Variants in GGNBP2 observed in about 807,000 individuals in gnomAD.
GGNBP2 encodes gametogenetin-binding protein 2.
A neutral mutation model predicts 85.9 loss-of-function variants in GGNBP2; 10 were observed. That is an observed-to-expected ratio of 0.12 (90% CI 0.07 to 0.20). The LOEUF (loss-of-function observed/expected upper bound fraction) is 0.20. Among genes scored for constraint, GGNBP2 ranks in the 10% least tolerant of loss-of-function variants. The probability of loss-of-function intolerance (pLI) is 1.00; values close to 1 mark genes in which losing one functional copy is unlikely to be tolerated. For missense variants in GGNBP2, 595 were observed against 857.8 expected, an observed-to-expected ratio of 0.69 and a Z score of 3.83; for synonymous variants, 287 against 285.7, an observed-to-expected ratio of 1.00 and a Z score of -0.05.
chr17:36,546,110 C>G (rs1437161930), intron 2 of GGNBP2: 1 of 440,832 alleles, frequency 2.3e-6, no homozygotes, highest in African/African-American at 2.0e-5. Flanking sequence ...TCAAAGCACA[C>G]ATCTCAGAGA....
At chr17:36,556,751 CTTTTTTTTTTTTT>C (rs10544073) in intron 3 of GGNBP2, among the ~76,000 whole-genome samples, 8,480 of 53,376 alleles carry the variant, frequency 0.16, 555 homozygotes, top group African/African-American at 0.31. Flanking sequence ...CTGTATTGTG[CTTTTTTTTTTTTT>C]TTTTTTTTTT....
intron 2 of GGNBP2, chr17:36,547,373 TCA>T (rs1357062347): frequency 6.6e-6 from 1 of 152,142 alleles, no homozygotes; most frequent in African/African-American, 2.4e-5. Context: ...AAAAAAAAAT[TCA>T]GTGAGTTTGG....
intron 5 of GGNBP2, among the ~76,000 whole-genome samples, chr17:36,566,135 ATGAATTCCT>A (rs1430361447): frequency 6.6e-6 from 1 of 152,214 alleles, no homozygotes; most frequent in Non-Finnish European, 1.5e-5. Context: ...CCAAGGTGTA[ATGAATTCCT>A]TGGACTGTAC....
chr17:36,546,200 A>G (rs1230372632), intron 2 of GGNBP2: 11 of 381,254 alleles, frequency 2.9e-5, no homozygotes, highest in East Asian at 7.6e-5. Flanking sequence ...TTACCTGGTA[A>G]TGTCGCAGCT....
At position 36,584,390 on chromosome 17, in the gene GGNBP2, T is replaced by C. The variant is rs529352335; in HGVS notation, c.1216-910T>C. 9.2e-5 allele frequency among the ~76,000 whole-genome samples: 14 copies of C among 151,840 alleles called. No homozygotes were observed. In the South Asian group the frequency reaches 2.1e-3, roughly 23 times the overall value. Reference sequence around the variant, plus strand: ...TCTCACTCTGTCGCCCACAGTGGAGTGCGGTGGTGTGATCTTGGCTCACTG... The same window carrying C: ...TCTCACTCTGTCGCCCACAGTGGAGCGCGGTGGTGTGATCTTGGCTCACTG... On this transcript the variant is annotated intron_variant, in intron 9 of 13. Transcript: ENST00000613102.
At chr17:36,572,276 GA>G (rs1157163044) in intron 6 of GGNBP2, among the ~76,000 whole-genome samples, 1 of 152,130 alleles carries the variant, frequency 6.6e-6, no homozygotes, top group Non-Finnish European at 1.5e-5. Flanking sequence ...TTAATTACCT[GA>G]AAATGTGAAC....
chr17:36,586,818 C>T, intron 12 of GGNBP2, 179 bp from the exon 13 acceptor site: 3 of 565,004 alleles, frequency 5.3e-6, no homozygotes, highest in Non-Finnish European at 9.1e-6. Flanking sequence ...GGCATTTGAC[C>T]ATGTTGGCCA....
At chr17:36,573,929 T>G (rs2074551057) in intron 6 of GGNBP2, among the ~76,000 whole-genome samples, 1 of 152,176 alleles carries the variant, frequency 6.6e-6, no homozygotes, top group South Asian at 2.1e-4. Flanking sequence ...TGGAGTGCAG[T>G]GGCATGATCA....
intron 6 of GGNBP2, among the ~76,000 whole-genome samples, chr17:36,573,129 T>A (rs1555607116): frequency 2.6e-5 from 4 of 152,184 alleles, no homozygotes. Context: ...TTTTCTTTTT[T>A]TTTGAGACAG....
chr17:36,587,080 C>G lies in GGNBP2; in HGVS notation c.1725C>G (p.Asp575Glu). 1 of 1,614,076 alleles carries G rather than the reference C, an allele frequency of 6.2e-7. No homozygotes were observed. The highest frequency in any genetic ancestry group is 8.5e-7 in the Non-Finnish European group (1 of 1,179,994). ...GNTMHTVFHRDKTKDTHPESC... is the reference protein window; with the variant it reads ...GNTMHTVFHREKTKDTHPESC... ...CCATGCACACAGTGTTTCACCGTGA[C>G]AAGACCAAAGATACACATCCTGAAA... is the stretch of plus-strand genomic sequence containing the variant. The change falls in exon 13 of 14, where the codon GAC (aspartate) becomes GAG (glutamate). Residue 575 changes from aspartate (D) to glutamate (E), a missense_variant. Asp to Glu is a conservative substitution (Grantham distance 45). Transcript: ENST00000613102.
At chr17:36,563,887 G>T (rs2074444435) in intron 5 of GGNBP2, among the ~76,000 whole-genome samples, 2 of 152,022 alleles carry the variant, frequency 1.3e-5, no homozygotes, top group African/African-American at 4.8e-5. Context: ...GGGATTACAG[G>T]CACCTGCTAC....
At chr17:36,582,219 G>A (rs1225269144) in intron 9 of GGNBP2, 1 of 151,726 alleles carries the variant, frequency 6.6e-6, no homozygotes, top group Non-Finnish European at 1.5e-5. Context: ...AATACCTAAT[G>A]CAATGTAAAA....
At chr17:36,576,783 A>C (rs1351535489) in intron 6 of GGNBP2, 16 of 151,576 alleles carry the variant, frequency 1.1e-4, no homozygotes, top group Non-Finnish European at 5.9e-5. Flanking sequence ...ACTCAATAGG[A>C]AGACCCAGGG....
chr17:36,581,746 A>G, intron 9 of GGNBP2: 3 of 342,434 alleles, frequency 8.8e-6, no homozygotes, highest in Non-Finnish European at 1.0e-5. Flanking sequence ...TTTAATAAAA[A>G]TAAAAAGTAC....
At chr17:36,546,847 G>A (rs780191747) in intron 2 of GGNBP2, 1 of 150,966 alleles carries the variant, frequency 6.6e-6, no homozygotes, top group Admixed American at 6.6e-5. Flanking sequence ...ATTTTTTTTT[G>A]CAAATATCTA....
intron 9 of GGNBP2, among the ~76,000 whole-genome samples, chr17:36,584,430 C>T (rs1016811694): frequency 2.6e-5 from 4 of 152,120 alleles, no homozygotes; most frequent in South Asian, 2.1e-4. Context: ...CTCTGCCGTC[C>T]GTGTTCAAGC....
At chr17:36,574,889 A>G in intron 6 of GGNBP2, 1 of 760,348 alleles carries the variant, frequency 1.3e-6, no homozygotes, top group Non-Finnish European at 2.3e-6. Context: ...GGCCCCGTGG[A>G]TGGCAGTGGC....
At chr17:36,550,178 T>A (rs2074295511) in intron 2 of GGNBP2, among the ~76,000 whole-genome samples, 1 of 152,208 alleles carries the variant, frequency 6.6e-6, no homozygotes, top group Non-Finnish European at 1.5e-5. Context: ...CCTCAAGTGA[T>A]CTGCCTGCCT....
chr17:36,580,238 C>A (rs145008227), intron 8 of GGNBP2, among the ~76,000 whole-genome samples: 10,499 of 146,204 alleles, frequency 0.072, 628 homozygotes, highest in African/African-American at 0.16. Flanking sequence ...GACGGAGCCT[C>A]GCTCTGTTAC....
Sources: allele counts gnomAD v4.1 joint callset (sites outside exome capture counted in the v4.1 genomes callset), GRCh38; gene constraint gnomAD v4.1.1; transcripts MANE v1.5; gene names NCBI Gene and HGNC (gene_info 2026-07-23, HGNC 2026-07-21).